The following ZNF804A variants were observed in gnomAD, a reference collection of about 807,000 sequenced individuals.
ZNF804A encodes zinc finger protein 804A.
A neutral mutation model predicts 16.5 loss-of-function variants in ZNF804A; 2 were observed. That is an observed-to-expected ratio of 0.12 (90% confidence interval 0.05 to 0.38). The LOEUF is 0.38. Among genes scored for constraint, ZNF804A ranks in the 10% least tolerant of loss-of-function variants. The pLI is 0.99. For missense variants in ZNF804A, 1,473 were observed against 1,390.7 expected (o/e 1.06, Z -0.94); for synonymous variants, 534 against 489.6 (o/e 1.09, Z -1.20).
chr2:184,847,480 G>A (rs1695538134), intron 1 of ZNF804A, among the ~76,000 whole-genome samples: 1 of 152,014 alleles, frequency 6.6e-6, no homozygotes, highest in African/African-American at 2.4e-5. Context: ...CATTTATAAT[G>A]AGACAACAGC....
At chr2:184,851,404 A>G (rs1313541797) in intron 1 of ZNF804A, among the ~76,000 whole-genome samples, 2 of 151,940 alleles carry the variant, frequency 1.3e-5, no homozygotes, top group Non-Finnish European at 2.9e-5. Context: ...CAATGTTTTT[A>G]GGTTCCACGT....
intron 1 of ZNF804A, among the ~76,000 whole-genome samples, chr2:184,615,050 G>A (rs1038427581): frequency 6.6e-6 from 1 of 152,160 alleles, no homozygotes; most frequent in Non-Finnish European, 1.5e-5. Flanking sequence ...ATACCCAAAG[G>A]ATTATAAATC....
At chr2:184,721,777 A>G (rs1002169415) in intron 1 of ZNF804A, among the ~76,000 whole-genome samples, 1 of 152,140 alleles carries the variant, frequency 6.6e-6, no homozygotes, top group Non-Finnish European at 1.5e-5. Context: ...CATCAAAAAC[A>G]TGCCTTTATT....
At chr2:184,798,151 T>A (rs1403870069) in intron 1 of ZNF804A, among the ~76,000 whole-genome samples, 1 of 151,966 alleles carries the variant, frequency 6.6e-6, no homozygotes, top group African/African-American at 2.4e-5. Flanking sequence ...CTGGTTCTTT[T>A]GTCTGACAGC....
chr2:184,769,493 G>A lies in ZNF804A; in HGVS notation c.112-96876G>A, dbSNP rs148802462. ...AGCAGGTATCTCAACATGTTGAAGC[G>A]TTGAATAGTATAATTTAATAGAACC... On this transcript the variant is annotated intron_variant, in intron 1 of 3. Transcript: ENST00000302277. 4.4e-3 allele frequency among the ~76,000 whole-genome samples: 672 copies of A among 152,134 alleles called. 6 individuals are homozygous for A. The highest frequency in any genetic ancestry group is 0.012 in the African/African-American group (519 of 41,526).
chr2:184,695,465 TAAAAAAAAA>T lies in ZNF804A; in HGVS notation c.111+96414_111+96422del, dbSNP rs779929990. ...GGGCGACAGAGCGAGACTCCGTCATTAAAAAAAAAAAAAAAAAAAAAAAAAAAGAATGAC... is the reference window on the plus strand; with the variant it reads ...GGGCGACAGAGCGAGACTCCGTCATTAAAAAAAAAAAAAAAAAAGAATGAC... On this transcript the variant is annotated intron_variant, in intron 1 of 3. Coordinates refer to ENST00000302277, the MANE Select transcript of ZNF804A (RefSeq NM_194250.2). Among the ~76,000 whole-genome samples the T allele has an allele frequency of 1.8e-3, 91 of 51,832 alleles. 1 individual carries two copies. Among genetic ancestry groups the T allele is most frequent in the African/African-American group, 7.6e-3 (81 of 10,606 alleles). The allele number at this position is 51,832 out of a possible 152,430, so 34.0% of individuals were successfully genotyped here. A position where few individuals can be genotyped will look rare whatever the true frequency, so the allele number is the denominator to read the frequency against.
chr2:184,636,969 A>G (rs1307974456), intron 1 of ZNF804A, among the ~76,000 whole-genome samples: 1 of 152,176 alleles, frequency 6.6e-6, no homozygotes, highest in Admixed American at 6.5e-5. Flanking sequence ...TCTCTGATAT[A>G]CACTCTTGCT....
At chr2:184,632,885 T>A (rs1691636065) in intron 1 of ZNF804A, among the ~76,000 whole-genome samples, 1 of 152,228 alleles carries the variant, frequency 6.6e-6, no homozygotes, top group South Asian at 2.1e-4. Flanking sequence ...ATTGACTACC[T>A]ATGAATGCCT....
intron 1 of ZNF804A, among the ~76,000 whole-genome samples, chr2:184,791,500 T>A (rs552533008): frequency 2.0e-5 from 3 of 152,138 alleles, no homozygotes; most frequent in Non-Finnish European, 4.4e-5. Context: ...CTCTTGTCCC[T>A]CGATTTGTTT....
intron 1 of ZNF804A, among the ~76,000 whole-genome samples, chr2:184,787,017 A>G (rs79058443): frequency 0.036 from 5,540 of 151,794 alleles, 324 homozygotes; most frequent in African/African-American, 0.12. Context: ...GTTCCACCAT[A>G]TATGTGTAAT....
intron 1 of ZNF804A, among the ~76,000 whole-genome samples, chr2:184,715,497 C>T (rs1224949053): frequency 6.6e-6 from 1 of 152,074 alleles, no homozygotes; most frequent in Non-Finnish European, 1.5e-5. Context: ...GTGATCCTCT[C>T]ATCTCAGCCT....
rs1685812336 is a variant in ZNF804A at position 184,937,519 on chromosome 2, T to C, written c.2123T>C (p.Met708Thr). 1 of 1,611,926 alleles carries C rather than the reference T, an allele frequency of 6.2e-7. No homozygotes were observed. The stretch of plus-strand genomic sequence containing the variant: ...TTAAATGGACAATCAAATGCAACAA[T>C]GATACATTCTGGGAAACATAATTTA... The part of the protein sequence containing the change: ...ILLNGQSNAT[M>T]IHSGKHNLTY... The change falls in exon 4 of 4, where the codon ATG (methionine) becomes ACG (threonine). Residue 708 changes from methionine (M) to threonine (T), a missense_variant. By Grantham distance (81) the Met-to-Thr change is moderately conservative (BLOSUM62 -1). Coordinates refer to ENST00000302277, the MANE Select transcript of ZNF804A (RefSeq NM_194250.2).
At chr2:184,757,332 C>A (rs903020595) in intron 1 of ZNF804A, among the ~76,000 whole-genome samples, 2 of 152,058 alleles carry the variant, frequency 1.3e-5, no homozygotes, top group African/African-American at 4.8e-5. Context: ...TTTCCACACA[C>A]TCTACAATGT....
chr2:184,698,905 T>C (rs1692877699), intron 1 of ZNF804A, among the ~76,000 whole-genome samples: 1 of 152,088 alleles, frequency 6.6e-6, no homozygotes, highest in South Asian at 2.1e-4. Flanking sequence ...GCTTTCATTT[T>C]GAATGGATTA....
At chr2:184,677,954 C>T (rs1191287590) in intron 1 of ZNF804A, among the ~76,000 whole-genome samples, 1 of 151,994 alleles carries the variant, frequency 6.6e-6, no homozygotes, top group East Asian at 1.9e-4. Context: ...CACTATCTGA[C>T]TATCATATCC....
Position 184,937,930 on chromosome 2 carries a change from TG to T in ZNF804A, c.2536del (p.Asp846IlefsTer3). On this transcript the variant is annotated frameshift_variant, in exon 4 of 4. Transcript: ENST00000302277. LOFTEE classifies it low-confidence loss of function (END_TRUNC). ...PVKDNSSLNP[L>X]DRLISEDKKE... The stretch of plus-strand genomic sequence containing the variant: ...AAAGACAATTCTTCCTTAAATCCTC[TG>T]GATAGGTTAATAAGTGAAGACAAAA... The T allele has an allele frequency of 6.2e-7, 1 of 1,614,000 alleles. No individual in the cohort carries two copies. The highest frequency in any genetic ancestry group is 1.1e-5 in the South Asian group (1 of 91,076).
chr2:184,692,788 C>G (rs186871447), intron 1 of ZNF804A, among the ~76,000 whole-genome samples: 98 of 152,254 alleles, frequency 6.4e-4, no homozygotes, highest in Non-Finnish European at 1.2e-3. Flanking sequence ...GTAATAATAA[C>G]TACTATTTCA....
chr2:184,864,232 C>T (rs542515131), intron 1 of ZNF804A, among the ~76,000 whole-genome samples: 10 of 152,024 alleles, frequency 6.6e-5, no homozygotes, highest in Non-Finnish European at 1.5e-5. Flanking sequence ...AGAGATCACA[C>T]GGTACAAGAG....
intron 1 of ZNF804A, among the ~76,000 whole-genome samples, chr2:184,641,486 G>A (rs1175954741): frequency 6.6e-6 from 1 of 152,118 alleles, no homozygotes; most frequent in Admixed American, 6.5e-5. Context: ...TGTGGTGGTG[G>A]TTGAGCAGGT....
Sources: allele counts gnomAD v4.1 joint callset (sites outside exome capture counted in the v4.1 genomes callset), GRCh38; gene constraint gnomAD v4.1.1; transcripts MANE v1.5; gene names NCBI Gene and HGNC (gene_info 2026-07-23, HGNC 2026-07-21).